Variants in EDARADD observed in about 807,000 individuals in gnomAD.
EDARADD encodes the protein EDAR associated via death domain.
EDARADD carries 20 observed loss-of-function variants against 25.6 expected under a neutral mutation model. That is an observed-to-expected ratio of 0.78 (90% CI 0.55 to 1.14). EDARADD has a LOEUF of 1.14. EDARADD is among the 50% of genes most tolerant of loss of function. EDARADD has a pLI of 0.00. For missense variants in EDARADD, 225 were observed against 270.1 expected, an observed-to-expected ratio of 0.83 and a Z score of 1.17; for synonymous variants, 86 against 94.4, an observed-to-expected ratio of 0.91 and a Z score of 0.52.
At chr1:236,402,227 A>G (rs1267187970) in intron 1 of EDARADD, among the ~76,000 whole-genome samples, 2 of 152,102 alleles carry the variant, frequency 1.3e-5, no homozygotes, top group Non-Finnish European at 2.9e-5. Flanking sequence ...CTCCCAAAAT[A>G]CTGGGATTAC....
intron 1 of EDARADD, among the ~76,000 whole-genome samples, chr1:236,403,705 G>A (rs1558111567): frequency 6.6e-6 from 1 of 152,114 alleles, no homozygotes; most frequent in Non-Finnish European, 1.5e-5. Context: ...GAGGTGCTCT[G>A]TTCACCTCCT....
chr1:236,429,250 A>G (rs1178675780), intron 4 of EDARADD, among the ~76,000 whole-genome samples: 2 of 140,154 alleles, frequency 1.4e-5, no homozygotes, highest in Admixed American at 7.3e-5. Flanking sequence ...AGGCAGTCTC[A>G]CTCTGGAGTG....
intron 1 of EDARADD, among the ~76,000 whole-genome samples, chr1:236,402,031 G>A (rs939347451): frequency 2.0e-5 from 3 of 151,988 alleles, no homozygotes; most frequent in Admixed American, 6.5e-5. Context: ...GTGCTGTCTC[G>A]GCTCACTGCA....
Position 236,426,301 on chromosome 1 carries a change from C to A in EDARADD, c.161-1091C>A, listed in dbSNP as rs1657917467. 3.9e-5 allele frequency among the ~76,000 whole-genome samples: 6 copies of A among 152,292 alleles called. No homozygotes were observed. The South Asian group carries it at 1.2e-3, about 32-fold the overall frequency. ...CTATCATGCCAGTTGTTTTGATCACCTTCTCCTCACCCCTGCTCTAGGATT... is the reference window on the plus strand; with the variant it reads ...CTATCATGCCAGTTGTTTTGATCACATTCTCCTCACCCCTGCTCTAGGATT... On this transcript the variant is annotated intron_variant, in intron 3 of 5. Transcript: ENST00000334232.
intron 5 of EDARADD, among the ~76,000 whole-genome samples, chr1:236,477,042 A>C (rs1032109532): frequency 6.9e-6 from 1 of 144,360 alleles, no homozygotes; most frequent in African/African-American, 2.7e-5. Flanking sequence ...AAAATTGAAA[A>C]GTGCCCATAA....
At chr1:236,349,562 G>A (rs763246495) in intron 2 of EDARADD, among the ~76,000 whole-genome samples, 1 of 152,034 alleles carries the variant, frequency 6.6e-6, no homozygotes, top group East Asian at 1.9e-4. Flanking sequence ...GGTGCTTCCA[G>A]GCTATAGGTA....
chr1:236,421,700 G>A (rs574162759), intron 3 of EDARADD, among the ~76,000 whole-genome samples: 146 of 151,946 alleles, frequency 9.6e-4, no homozygotes, highest in Middle Eastern at 6.8e-3. Flanking sequence ...GTTTCACCAT[G>A]TTAACCTAAC....
intron 5 of EDARADD, among the ~76,000 whole-genome samples, chr1:236,473,876 C>A (rs1270736748): frequency 6.6e-6 from 1 of 152,138 alleles, no homozygotes; most frequent in Non-Finnish European, 1.5e-5. Context: ...GCTAATCGAG[C>A]CTCCCCTTCA....
chr1:236,410,059 G>A (rs1487019511), intron 2 of EDARADD, among the ~76,000 whole-genome samples: 2 of 151,892 alleles, frequency 1.3e-5, no homozygotes, highest in African/African-American at 4.8e-5. Context: ...ACATATATTG[G>A]TTTTTTAAAA....
At position 236,395,874 on chromosome 1, in the gene EDARADD, T is replaced by C. The variant is rs59167228; in HGVS notation, c.61+1369T>C. Among the ~76,000 whole-genome samples, 3,639 of 151,806 alleles carry C rather than the reference T, an allele frequency of 0.024. 280 individuals are homozygous for C. In the East Asian group the frequency reaches 0.31, roughly 13 times the overall value. On this transcript the variant is annotated intron_variant, in intron 1 of 5. Coordinates refer to ENST00000334232, the MANE Select transcript of EDARADD (RefSeq NM_145861.4). This position sits in a 1 kb window ranked among gnomAD's most constrained non-coding sequence, Gnocchi z 6.9. ...CGGCTGCTGACCGCCCCTCCCGCGC[T>C]CGCCAGGGCCCCTGCCCCGCGTCAG...
intron 1 of EDARADD, among the ~76,000 whole-genome samples, chr1:236,348,513 C>T (rs1666878010): frequency 6.6e-6 from 1 of 152,238 alleles, no homozygotes; most frequent in Non-Finnish European, 1.5e-5. Flanking sequence ...CCGGTTACAG[C>T]CTCTAAATGT....
At position 236,355,500 on chromosome 1, in the gene EDARADD, C is replaced by CTTTTTT. The variant is rs563976436; in HGVS notation, c.-6+4682_-6+4687dup. Among the ~76,000 whole-genome samples the CTTTTTT allele has an allele frequency of 8.7e-4, 64 of 73,170 alleles. 8 individuals are homozygous for CTTTTTT. The highest frequency in any genetic ancestry group is 2.9e-3 in the South Asian group (4 of 1,398). 48.0% of individuals were successfully genotyped at this position (73,170 alleles called of 152,430 possible). On this transcript the variant is annotated intron_variant, in intron 3 of 7. Coordinates refer to the EDARADD transcript ENST00000439430. ...CACTCATTCTCTTCTGCTTCTTCTT[C>CTTTTTT]TTTTTTTTTTTTTTTTTTTTTTTTT...
At chr1:236,463,022 C>T (rs1449188373) in intron 4 of EDARADD, among the ~76,000 whole-genome samples, 2 of 151,614 alleles carry the variant, frequency 1.3e-5, no homozygotes, top group Admixed American at 6.6e-5. Flanking sequence ...TATGCAAATG[C>T]ATACCTATAT....
chr1:236,427,656 C>A (rs1288555801), intron 4 of EDARADD, among the ~76,000 whole-genome samples: 1 of 152,102 alleles, frequency 6.6e-6, no homozygotes, highest in Non-Finnish European at 1.5e-5. Flanking sequence ...AGCTTTCATT[C>A]ATTCTTTGAA....
chr1:236,412,874 A>G (rs934707452), intron 2 of EDARADD, among the ~76,000 whole-genome samples: 1 of 152,090 alleles, frequency 6.6e-6, no homozygotes, highest in Admixed American at 6.6e-5. Flanking sequence ...ATTTTTATTT[A>G]TTTATTTATT....
At chr1:236,393,348 C>T (rs376447837), upstream of EDARADD, among the ~76,000 whole-genome samples, 6 of 149,176 alleles carry the variant, frequency 4.0e-5, no homozygotes, top group Admixed American at 1.3e-4. Flanking sequence ...TGGGTACTAT[C>T]GGGAAATGTT....
chr1:236,417,364 A>G (rs570066922), intron 3 of EDARADD, among the ~76,000 whole-genome samples: 24 of 152,352 alleles, frequency 1.6e-4, no homozygotes, highest in East Asian at 5.8e-4. Flanking sequence ...TTCCTACTTC[A>G]TTCACAGAGA....
upstream of EDARADD, among the ~76,000 whole-genome samples, chr1:236,391,135 T>A (rs1889069): frequency 6.6e-6 from 1 of 151,614 alleles, no homozygotes; most frequent in African/African-American, 2.4e-5. Flanking sequence ...TTAAGACCGG[T>A]CCCCCTGTCC....
At chr1:236,424,743 G>C (rs1347770938) in intron 3 of EDARADD, among the ~76,000 whole-genome samples, 1 of 152,162 alleles carries the variant, frequency 6.6e-6, no homozygotes, top group Non-Finnish European at 1.5e-5. Flanking sequence ...CTGAGGATCA[G>C]GATCTTTGCT....
Sources: gnomAD v4.1 joint callset for allele counts (sites outside exome capture counted in the v4.1 genomes callset) on GRCh38, gnomAD v4.1.1 for gene constraint, Gnocchi (gnomAD v3.1) non-coding constraint, MANE v1.5 for transcripts, NCBI Gene and HGNC (gene_info 2026-07-23, HGNC 2026-07-21) for gene names.